MYO16: variants seen among roughly 807,000 people sequenced by gnomAD.
MYO16 encodes the protein unconventional myosin-XVI.
In MYO16, 94 loss-of-function variants were observed where a neutral mutation model predicts 205.3. The ratio of observed to expected loss-of-function variants is 0.46; its 90% confidence interval spans 0.39 to 0.54. The LOEUF (loss-of-function observed/expected upper bound fraction) is 0.54, where lower values mean the gene tolerates loss of function less well. Among genes scored for constraint, MYO16 ranks in the 20% least tolerant of loss-of-function variants. MYO16 has a pLI of 0.00. For missense variants in MYO16, 2,315 were observed against 2,387.5 expected (o/e 0.97, Z 0.63); for synonymous variants, 988 against 954.0 (o/e 1.04, Z -0.66).
At chr13:108,570,723 T>C in the MYO16 span, among the ~76,000 whole-genome samples, 1 of 152,244 alleles carries the variant, frequency 6.6e-6, no homozygotes, top group African/African-American at 2.4e-5. Flanking sequence ...ATTCAGGAAG[T>C]CTTTTTATTC....
In MYO16 at chr13:109,140,540, G is replaced by T; in HGVS notation, c.4328G>T (p.Arg1443Met). The change falls in exon 32 of 35, where the codon AGG (arginine) becomes ATG (methionine). Residue 1443 changes from arginine (R) to methionine (M), a missense_variant. Physicochemically the swap from Arg to Met is moderately conservative, Grantham distance 91 (BLOSUM62 -1). This residue lies in a region of MYO16 where 1,097 missense variants were observed against 1,092.0 expected (regional missense o/e 1.00). Transcript: ENST00000457511. The surrounding 1 kb of genome is among the most constrained non-coding windows in gnomAD (Gnocchi z 8.0). Reference protein sequence around the residue: ...VYIEMLGHAARPDSPDPGESV... With the variant: ...VYIEMLGHAAMPDSPDPGESV... ...ATCGAGATGCTGGGGCACGCGGCCA[G>T]GCCCGATAGCCCGGACCCCGGGGAG... 1 of 1,549,050 alleles carries T rather than the reference G, an allele frequency of 6.5e-7. No individual in the cohort carries two copies. The highest frequency in any genetic ancestry group is 8.7e-7 in the Non-Finnish European group (1 of 1,155,358).
chr13:108,814,267 T>G (rs1411908382), intron 7 of MYO16, among the ~76,000 whole-genome samples: 1 of 152,168 alleles, frequency 6.6e-6, no homozygotes, highest in African/African-American at 2.4e-5. Flanking sequence ...TATAAAAGCT[T>G]TAGCATTATT....
chr13:108,668,384 A>G (rs1304406469), intron 2 of MYO16, among the ~76,000 whole-genome samples: 2 of 152,310 alleles, frequency 1.3e-5, no homozygotes, highest in African/African-American at 4.8e-5. Flanking sequence ...CTGACAGGAA[A>G]TGCTGATTAC....
intron 34 of MYO16, among the ~76,000 whole-genome samples, chr13:109,198,603 T>A (rs1395286015): frequency 6.6e-6 from 1 of 152,202 alleles, no homozygotes; most frequent in Non-Finnish European, 1.5e-5. Context: ...GTGCACCTAT[T>A]TAGCATTACT....
chr13:108,642,073 C>A (rs550349600), intron 1 of MYO16, among the ~76,000 whole-genome samples: 1 of 152,182 alleles, frequency 6.6e-6, no homozygotes, highest in Non-Finnish European at 1.5e-5. Context: ...TTAATTTCCT[C>A]ATTTGAAAAA....
intron 1 of MYO16, among the ~76,000 whole-genome samples, chr13:108,640,270 A>C (rs1188494005): frequency 6.6e-6 from 1 of 152,198 alleles, no homozygotes; most frequent in South Asian, 2.1e-4. Flanking sequence ...GCAGGCTGGC[A>C]TGAAGTGAGA....
At chr13:108,933,543 G>A (rs914635499) in intron 16 of MYO16, among the ~76,000 whole-genome samples, 20 of 151,730 alleles carry the variant, frequency 1.3e-4, no homozygotes, top group Non-Finnish European at 2.8e-4. Flanking sequence ...GAGATTAAAA[G>A]CATCCCTGCA....
At chr13:108,985,518 C>T (rs1884597109) in intron 20 of MYO16, among the ~76,000 whole-genome samples, 2 of 152,236 alleles carry the variant, frequency 1.3e-5, no homozygotes, top group African/African-American at 4.8e-5. Flanking sequence ...TGGGAGGAGA[C>T]CAGATATAAC....
intron 9 of MYO16, among the ~76,000 whole-genome samples, chr13:108,831,033 A>G (rs1400145584): frequency 3.3e-5 from 5 of 152,314 alleles, no homozygotes; most frequent in Non-Finnish European, 7.3e-5. Flanking sequence ...GTGCCTTCAC[A>G]GTGTCCTCAC....
At chr13:108,670,394 G>T (rs571605111) in intron 2 of MYO16, among the ~76,000 whole-genome samples, 5 of 152,282 alleles carry the variant, frequency 3.3e-5, no homozygotes, top group African/African-American at 1.2e-4. Context: ...GGAGACTATG[G>T]AGTACAGAGA....
chr13:108,733,797 G>A (rs1283318390), intron 4 of MYO16, among the ~76,000 whole-genome samples: 1 of 152,044 alleles, frequency 6.6e-6, no homozygotes, highest in Non-Finnish European at 1.5e-5. Context: ...GTGAAACCCC[G>A]TCTCTACTAA....
Position 109,021,690 on chromosome 13 carries a change from CAGA to C in MYO16, c.2796+1782_2796+1784del, listed in dbSNP as rs538395503. Among the ~76,000 whole-genome samples the C allele has an allele frequency of 5.9e-3, 892 of 152,194 alleles. 6 individuals are homozygous for C. Among genetic ancestry groups the C allele is most frequent in the South Asian group, 0.014 (66 of 4,822 alleles). ...CTACCTAGTATTTGGGAAGTTGTGT[CAGA>C]AGTTCAGTGCAGGGTAGAAAGGGCG... On this transcript the variant is annotated intron_variant, in intron 23 of 34. Coordinates refer to ENST00000457511, the MANE Select transcript of MYO16 (RefSeq NM_001198950.3).
intron 20 of MYO16, among the ~76,000 whole-genome samples, chr13:108,988,889 AC>A (rs1015781879): frequency 1.3e-5 from 2 of 151,996 alleles, no homozygotes; most frequent in African/African-American, 4.8e-5. Context: ...CAGGGGAGAG[AC>A]CCAGTGCTTT....
chr13:108,945,845 A>G (rs1336268692), intron 16 of MYO16, among the ~76,000 whole-genome samples: 2 of 152,062 alleles, frequency 1.3e-5, no homozygotes, highest in African/African-American at 4.8e-5. Flanking sequence ...TACACGTTTT[A>G]CTCATTTTAA....
At chr13:108,824,615 C>A (rs1347012029) in intron 9 of MYO16, among the ~76,000 whole-genome samples, 2 of 151,992 alleles carry the variant, frequency 1.3e-5, no homozygotes, top group Admixed American at 1.3e-4. Context: ...GCACTATAAA[C>A]AACCAGATCT....
chr13:109,019,078 C>T (rs1212446844), intron 22 of MYO16, among the ~76,000 whole-genome samples: 1 of 151,574 alleles, frequency 6.6e-6, no homozygotes, highest in Admixed American at 6.6e-5. Flanking sequence ...TAGTGATCCT[C>T]TCACCTCAGC....
chr13:108,630,342 T>C (rs889710831), intron 1 of MYO16, among the ~76,000 whole-genome samples: 1 of 152,244 alleles, frequency 6.6e-6, no homozygotes, highest in African/African-American at 2.4e-5. Context: ...AGGGTTATCC[T>C]TGACTGTAAA....
In MYO16 at chr13:108,910,052, T is replaced by C. The variant is rs139105351; in HGVS notation, c.1827T>C (p.Pro609=). 1.0e-4 allele frequency: 169 copies of C among 1,613,580 alleles called. 1 individual carries two copies. The African/African-American group carries it at 2.0e-3, about 19-fold the overall frequency. ...AGAAATCCAGACTTGTTTCACAACC[T>C]CTTGGCCAGAGCAATTTTCTCATTT... ...LLEKSRLVSQ[P]LGQSNFLIFY... is the part of the protein sequence containing the mutation. The change falls in exon 16 of 35, where the codon CCT becomes CCC. Residue 609 remains proline, a synonymous_variant. Coordinates refer to ENST00000457511, the MANE Select transcript of MYO16 (RefSeq NM_001198950.3).
At chr13:108,789,406 TC>T (rs776353361) in intron 5 of MYO16, among the ~76,000 whole-genome samples, 3 of 152,102 alleles carry the variant, frequency 2.0e-5, no homozygotes, top group Non-Finnish European at 4.4e-5. Context: ...GTATTAGCCC[TC>T]CCCCTTCATT....
Sources: allele counts gnomAD v4.1 joint callset (sites outside exome capture counted in the v4.1 genomes callset), GRCh38; gene constraint gnomAD v4.1.1; regional missense constraint gnomAD v4.1.1; non-coding constraint Gnocchi (gnomAD v3.1); transcripts MANE v1.5; gene names NCBI Gene and HGNC (gene_info 2026-07-23, HGNC 2026-07-21).